CEP70: variants seen among roughly 807,000 people sequenced by gnomAD.
CEP70 encodes centrosomal protein of 70 kDa.
In CEP70, 70 loss-of-function variants were observed where a neutral mutation model predicts 90.9. The observed-to-expected ratio is 0.77, with a 90% CI of 0.64 to 0.94. The LOEUF is 0.94. Ranked by LOEUF, CEP70 falls within the 40% of genes least tolerant of loss-of-function variation. The pLI, the probability that CEP70 is intolerant of heterozygous loss-of-function variation, is 0.00. For synonymous variants in CEP70, 220 were observed against 228.3 expected (o/e 0.96, Z 0.33); for missense variants, 648 against 669.0 (o/e 0.97, Z 0.35).
intron 6 of CEP70, among the ~76,000 whole-genome samples, chr3:138,551,038 C>T (rs149455436): frequency 1.1e-4 from 17 of 152,250 alleles, no homozygotes; most frequent in Non-Finnish European, 1.8e-4. Flanking sequence ...AGAAATTCAT[C>T]GCAAAAAGAT....
At chr3:138,527,858 A>G (rs937258761) in intron 10 of CEP70, among the ~76,000 whole-genome samples, 10 of 151,984 alleles carry the variant, frequency 6.6e-5, no homozygotes, top group Non-Finnish European at 7.4e-5. Flanking sequence ...CTAGCCTCCA[A>G]GGCGATTATC....
intron 3 of CEP70, among the ~76,000 whole-genome samples, chr3:138,572,192 AG>A (rs2041224268): frequency 2.0e-5 from 3 of 152,258 alleles, no homozygotes; most frequent in Admixed American, 2.0e-4. Flanking sequence ...AACTATAAAA[AG>A]GAGCCCGTCC....
At chr3:138,533,745 T>C (rs1342750771) in intron 7 of CEP70, among the ~76,000 whole-genome samples, 1 of 152,194 alleles carries the variant, frequency 6.6e-6, no homozygotes, top group Non-Finnish European at 1.5e-5. Context: ...CATTTTACCA[T>C]ATACACTTTC....
intron 10 of CEP70, among the ~76,000 whole-genome samples, chr3:138,528,632 T>C (rs1225120103): frequency 6.6e-6 from 1 of 152,148 alleles, no homozygotes; most frequent in African/African-American, 2.4e-5. Flanking sequence ...ATTCTGGCAC[T>C]GGGCCTAGGA....
intron 11 of CEP70, among the ~76,000 whole-genome samples, chr3:138,509,084 C>T (rs1006176300): frequency 6.6e-6 from 1 of 152,080 alleles, no homozygotes; most frequent in Non-Finnish European, 1.5e-5. Context: ...AGAAGGCCCT[C>T]TCAATAAATC....
intron 2 of CEP70, 160 bp from the exon 3 acceptor site, chr3:138,573,092 T>G: frequency 1.7e-6 from 1 of 600,670 alleles, no homozygotes; most frequent in East Asian, 2.8e-5. Flanking sequence ...CAAAACTTTG[T>G]GACTTCTTAG....
chr3:138,500,721 C>T lies in CEP70; in HGVS notation c.1368+14G>A. The T allele has an allele frequency of 6.4e-7, 1 of 1,572,826 alleles. No homozygotes were observed. Among genetic ancestry groups the T allele is most frequent in the South Asian group, 1.2e-5 (1 of 83,028 alleles). On this transcript the variant is annotated intron_variant, in intron 14 of 17. Transcript: ENST00000264982. ...TAAGAAACATTAGAAGGTGACCGTT[C>T]ATGTAGGTATTACCTTTTCCTTATT...
At position 138,495,088 on chromosome 3, in the gene CEP70, A is replaced by C; in HGVS notation, c.1733-12T>G. On this transcript the variant is annotated splice_polypyrimidine_tract_variant and intron_variant, in intron 17 of 17. Transcript: ENST00000264982. ...CAAGTCATCAATTTCTGTAATACAA[A>C]AACAGTAATAATAAAAGAGAGTAAC... The C allele has an allele frequency of 6.7e-7, 1 of 1,495,568 alleles. No homozygotes were observed. Among genetic ancestry groups the C allele is most frequent in the Non-Finnish European group, 9.3e-7 (1 of 1,076,746 alleles). The allele number at this position is 1,495,568 out of a possible 1,614,324, so 92.6% of individuals were successfully genotyped here. A position where few individuals can be genotyped will look rare whatever the true frequency, so the allele number is the denominator to read the frequency against.
At chr3:138,589,880 T>G (rs2042294767) in intron 2 of CEP70, among the ~76,000 whole-genome samples, 1 of 152,168 alleles carries the variant, frequency 6.6e-6, no homozygotes, top group Non-Finnish European at 1.5e-5. Flanking sequence ...TAAACTTTGA[T>G]CAATATATAA....
intron 2 of CEP70, among the ~76,000 whole-genome samples, chr3:138,577,458 C>T (rs1010844274): frequency 2.0e-4 from 30 of 151,858 alleles, no homozygotes; most frequent in African/African-American, 7.0e-4. Context: ...ACTAGCCTGG[C>T]CAACATGGCA....
In CEP70 at chr3:138,559,086, C is replaced by T. The variant is rs567853229; in HGVS notation, c.465+11232G>A. ...ATTTAATATATTCAGAGACACAAAA[C>T]AGATAATTTCAGCAGAAAGCTGGAA... On this transcript the variant is annotated intron_variant, in intron 6 of 17. Coordinates refer to ENST00000264982, the MANE Select transcript of CEP70 (RefSeq NM_024491.4). Among the ~76,000 whole-genome samples, 9 of 152,202 alleles carry T rather than the reference C, an allele frequency of 5.9e-5. No individual in the cohort carries two copies. The East Asian group carries it at 1.7e-3, about 29-fold the overall frequency.
chr3:138,512,657 G>T (rs1320343897), intron 11 of CEP70, among the ~76,000 whole-genome samples: 1 of 152,060 alleles, frequency 6.6e-6, no homozygotes, highest in African/African-American at 2.4e-5. Flanking sequence ...TGGACACTGA[G>T]AAAACAGAAA....
At chr3:138,556,644 C>T (rs1441582959) in intron 6 of CEP70, among the ~76,000 whole-genome samples, 1 of 150,506 alleles carries the variant, frequency 6.6e-6, no homozygotes, top group Non-Finnish European at 1.5e-5. Flanking sequence ...GGACAGAGTA[C>T]AAAAGAGAGA....
chr3:138,575,815 G>A (rs549999372), intron 2 of CEP70, among the ~76,000 whole-genome samples: 170 of 152,284 alleles, frequency 1.1e-3, no homozygotes, highest in Non-Finnish European at 2.2e-3. Context: ...TTAAAGAAAA[G>A]AATTTTCAGT....
rs538583531 is a variant in CEP70 at position 138,587,221 on chromosome 3, A to G, written c.-6+4633T>C. Among the ~76,000 whole-genome samples, 7 of 152,188 alleles carry G rather than the reference A, an allele frequency of 4.6e-5. No individual in the cohort carries two copies. In the South Asian group the frequency reaches 1.5e-3, roughly 32 times the overall value. On this transcript the variant is annotated intron_variant, in intron 2 of 17. Transcript: ENST00000264982. ...TTATTTCTGAAATGAAGATTAAAGA[A>G]GGAAAATGAATGAGTAAAGACTACA...
intron 13 of CEP70, among the ~76,000 whole-genome samples, chr3:138,503,569 C>T (rs922334459): frequency 6.6e-6 from 1 of 152,100 alleles, no homozygotes; most frequent in African/African-American, 2.4e-5. Flanking sequence ...TTAATTTGGA[C>T]CCTGAAACTG....
intron 2 of CEP70, among the ~76,000 whole-genome samples, chr3:138,585,432 T>C (rs191656623): frequency 1.7e-4 from 26 of 152,290 alleles, no homozygotes; most frequent in Non-Finnish European, 3.5e-4. Context: ...TGTTCATAGA[T>C]TGAAACAATC....
chr3:138,512,900 G>A (rs2035656535), intron 11 of CEP70, among the ~76,000 whole-genome samples: 1 of 152,094 alleles, frequency 6.6e-6, no homozygotes, highest in Non-Finnish European at 1.5e-5. Context: ...AAACACATAG[G>A]TGCATCAATG....
chr3:138,522,670 C>A (rs2036789748), intron 11 of CEP70, among the ~76,000 whole-genome samples: 1 of 152,102 alleles, frequency 6.6e-6, no homozygotes, highest in South Asian at 2.1e-4. Flanking sequence ...CAAGACTAAA[C>A]CAGGAAGAAG....
Sources: gnomAD v4.1 joint callset for allele counts (sites outside exome capture counted in the v4.1 genomes callset) on GRCh38, gnomAD v4.1.1 for gene constraint, MANE v1.5 for transcripts, NCBI Gene and HGNC (gene_info 2026-07-23, HGNC 2026-07-21) for gene names.